The following RALGDS variants were observed in gnomAD, a reference collection of about 807,000 sequenced individuals.
RALGDS encodes the protein ral guanine nucleotide exchange factor.
A neutral mutation model predicts 99.8 loss-of-function variants in RALGDS; 44 were observed. The ratio of observed to expected loss-of-function variants is 0.44; its 90% CI spans 0.35 to 0.57. The LOEUF (loss-of-function observed/expected upper bound fraction) is 0.57. Among genes scored for constraint, RALGDS ranks in the 20% least tolerant of loss-of-function variants. The probability of loss-of-function intolerance (pLI) is 0.01; values close to 1 mark genes in which losing one functional copy is unlikely to be tolerated. For synonymous variants in RALGDS, 529 were observed against 505.0 expected (o/e 1.05, Z -0.64); for missense variants, 1,022 against 1,203.1 (o/e 0.85, Z 2.23).
At chr9:133,124,944 A>T (rs1832100284), upstream of RALGDS, among the ~76,000 whole-genome samples, 1 of 152,276 alleles carries the variant, frequency 6.6e-6, no homozygotes, top group Non-Finnish European at 1.5e-5. Flanking sequence ...GGGACAGAGA[A>T]ACATGTTCAA....
At chr9:133,101,467 G>T in intron 16 of RALGDS, 53 bp downstream of exon 16, 1 of 1,607,040 alleles carries the variant, frequency 6.2e-7, no homozygotes, top group South Asian at 1.1e-5. Context: ...CTGTGTTCAG[G>T]GTGCATTTGC....
In RALGDS at chr9:133,112,321, C is replaced by T. The variant is rs191796163; in HGVS notation, c.184-169G>A. Reference sequence around the variant, plus strand: ...GATCACAGCTCGAGAGCCACTGTCCCGGCACTCCACTTCCCCAACCCGGCC... The same window carrying T: ...GATCACAGCTCGAGAGCCACTGTCCTGGCACTCCACTTCCCCAACCCGGCC... On this transcript the variant is annotated intron_variant, in intron 1 of 17. Coordinates refer to ENST00000372050, the MANE Select transcript of RALGDS (RefSeq NM_006266.4). 4.3e-3 allele frequency among the ~76,000 whole-genome samples: 657 copies of T among 152,122 alleles called. 5 individuals carry two copies. The highest frequency in any genetic ancestry group is 0.015 in the African/African-American group (604 of 41,486).
chr9:133,130,383 A>C (rs1832299812), intron 1 of RALGDS, among the ~76,000 whole-genome samples: 2 of 152,150 alleles, frequency 1.3e-5, no homozygotes. Flanking sequence ...CAAAGTGGTA[A>C]GATTACAGGT....
At chr9:133,106,474 C>G (rs562810223) in intron 8 of RALGDS, among the ~76,000 whole-genome samples, 171 bp downstream of exon 8, 1 of 152,274 alleles carries the variant, frequency 6.6e-6, no homozygotes, top group African/African-American at 2.4e-5. Flanking sequence ...GCTCAACCCA[C>G]CATCTGACAG....
chr9:133,110,242 G>A (rs1831277654), intron 3 of RALGDS, 54 bp downstream of exon 3: 2 of 1,531,096 alleles, frequency 1.3e-6, no homozygotes. Context: ...CAGCCAGGTG[G>A]GGGTGGGGGC....
At chr9:133,111,993 G>A (rs1398041228) in intron 2 of RALGDS, 49 bp downstream of exon 2, 9 of 1,408,600 alleles carry the variant, frequency 6.4e-6, no homozygotes, top group Admixed American at 2.0e-5. Flanking sequence ...AAAAGTCCTG[G>A]GAGGGATCCC....
chr9:133,103,709 C>T (rs1403057938), intron 11 of RALGDS, 38 bp downstream of exon 11: 5 of 1,599,774 alleles, frequency 3.1e-6, no homozygotes, highest in Non-Finnish European at 4.3e-6. Flanking sequence ...AAGGTCTCTC[C>T]TCCCGGGCCC....
At chr9:133,102,243 T>C in intron 14 of RALGDS, 104 bp from the exon 15 acceptor site, 1 of 1,270,086 alleles carries the variant, frequency 7.9e-7, no homozygotes, top group Non-Finnish European at 1.1e-6. Context: ...GCTGGGACAG[T>C]TGCCAGTACT....
At chr9:133,127,061 C>G (rs1564249398) in intron 1 of RALGDS, among the ~76,000 whole-genome samples, 1 of 152,258 alleles carries the variant, frequency 6.6e-6, no homozygotes, top group Non-Finnish European at 1.5e-5. Flanking sequence ...GCAGCTCCTT[C>G]TTCATGCCGC....
At chr9:133,115,978 T>C (rs1169662356) in intron 1 of RALGDS, among the ~76,000 whole-genome samples, 1 of 152,262 alleles carries the variant, frequency 6.6e-6, no homozygotes, top group East Asian at 1.9e-4. Context: ...CCCACGCTGC[T>C]GTGCCCTTCT....
upstream of RALGDS, among the ~76,000 whole-genome samples, chr9:133,134,607 A>T (rs2119258633): frequency 6.6e-6 from 1 of 152,302 alleles, no homozygotes; most frequent in East Asian, 1.9e-4. Context: ...ATTAAGGATC[A>T]CAAGTAGATT....
intron 14 of RALGDS, among the ~76,000 whole-genome samples, 157 bp downstream of exon 14, chr9:133,102,319 G>A (rs768893535): frequency 2.0e-5 from 3 of 152,154 alleles, no homozygotes; most frequent in South Asian, 2.1e-4. Context: ...GGAAACTGAG[G>A]CCCAAAAAGG....
rs1830708002 is a variant in RALGDS at position 133,100,534 on chromosome 9, C to T, written c.2455-152G>A. The T allele has an allele frequency of 3.3e-6, 5 of 1,522,180 alleles. No homozygotes were observed. The African/African-American group carries it at 6.9e-5, about 21-fold the overall frequency. 94.3% of individuals were successfully genotyped at this position (1,522,180 alleles called of 1,614,324 possible). A position where few individuals can be genotyped will look rare whatever the true frequency, so the allele number is the denominator to read the frequency against. On this transcript the variant is annotated intron_variant, in intron 16 of 17. Coordinates refer to ENST00000372050, the MANE Select transcript of RALGDS (RefSeq NM_006266.4). ...GTGCTGGGTCCGGAGAGGGCCTTGT[C>T]ACATTCTCCTACTCCCCAAGTGAGG... is the stretch of plus-strand genomic sequence containing the variant.
At chr9:133,105,333 G>T (rs561318837) in intron 9 of RALGDS, among the ~76,000 whole-genome samples, 1 of 152,284 alleles carries the variant, frequency 6.6e-6, no homozygotes, top group African/African-American at 2.4e-5. Context: ...GTCATCTGGG[G>T]TATCCGCCAC....
At position 133,106,879 on chromosome 9, in the gene RALGDS, G is replaced by A. The variant is rs952419166; in HGVS notation, c.1414-131C>T. On this transcript the variant is annotated intron_variant, in intron 7 of 17. Transcript: ENST00000372050. ...GGGAGTCCCCAGAGGGCACGCCTGC[G>A]ACCCGGGGGTGACAGGAGGATTTTA... 25 of 916,032 alleles carry A rather than the reference G, an allele frequency of 2.7e-5. 1 individual carries two copies. The highest frequency in any genetic ancestry group is 5.7e-5 in the South Asian group (4 of 69,628). 56.7% of individuals were successfully genotyped at this position (916,032 alleles called of 1,614,324 possible). A position where few individuals can be genotyped will look rare whatever the true frequency, so the allele number is the denominator to read the frequency against.
intron 1 of RALGDS, among the ~76,000 whole-genome samples, chr9:133,117,231 C>T (rs1181971362): frequency 6.6e-6 from 1 of 152,214 alleles, no homozygotes; most frequent in Admixed American, 6.5e-5. Flanking sequence ...TTGTCTAACT[C>T]GAGGGTCCTC....
Position 133,121,221 on chromosome 9 carries a change from G to T in RALGDS, c.-67C>A, listed in dbSNP as rs739405. ...GCGGGGGCGGCGGCGCGGCCCGCGC[G>T]GCTGGGCTTTGCCACCGCTGTGAGC... On this transcript the variant is annotated 5_prime_UTR_variant, in exon 1 of 18. Transcript: ENST00000372050. 1,938 of 977,936 alleles carry T rather than the reference G, an allele frequency of 2.0e-3. 27 individuals are homozygous for T. The African/African-American group carries it at 0.032, about 16-fold the overall frequency. 60.6% of individuals were successfully genotyped at this position (977,936 alleles called of 1,614,324 possible). A position where few individuals can be genotyped will look rare whatever the true frequency, so the allele number is the denominator to read the frequency against.
Position 133,101,831 on chromosome 9 carries a change from G to A in RALGDS, c.2212-69C>T, listed in dbSNP as rs1437985359. The A allele has an allele frequency of 2.6e-6, 4 of 1,554,524 alleles. No homozygotes were observed. The Admixed American group carries it at 7.8e-5, about 30-fold the overall frequency. ...GGCACCCCAGGCCAGCTGCCAGATG[G>A]GGAACCTTCTAGAAGCTGTGTTCAG... On this transcript the variant is annotated intron_variant, in intron 15 of 17. Transcript: ENST00000372050.
intron 1 of RALGDS, among the ~76,000 whole-genome samples, chr9:133,136,256 C>A (rs1832424005): frequency 6.6e-6 from 1 of 152,234 alleles, no homozygotes; most frequent in African/African-American, 2.4e-5. Context: ...TGATGGGGCC[C>A]ATGGGGCAGG....
Sources: gnomAD v4.1 joint callset for allele counts (sites outside exome capture counted in the v4.1 genomes callset) on GRCh38, gnomAD v4.1.1 for gene constraint, MANE v1.5 for transcripts, NCBI Gene and HGNC (gene_info 2026-07-23, HGNC 2026-07-21) for gene names.